LINGO2: variants seen among roughly 807,000 people sequenced by gnomAD.
The protein encoded by LINGO2 is leucine-rich repeat and immunoglobulin-like domain-containing nogo receptor-interacting protein 2.
In LINGO2, 14 loss-of-function variants were observed where a neutral mutation model predicts 30.6. The ratio of observed to expected loss-of-function variants is 0.46; its 90% CI spans 0.30 to 0.72. LINGO2 has a LOEUF of 0.72. LINGO2 is among the 30% of genes least tolerant of loss of function. The probability of loss-of-function intolerance (pLI) is 0.07; values close to 1 mark genes in which losing one functional copy is unlikely to be tolerated. For synonymous variants in LINGO2, 317 were observed against 288.5 expected (o/e 1.10, Z -1.00); for missense variants, 729 against 751.7 (o/e 0.97, Z 0.35).
At chr9:28,494,079 G>C (rs937221652) in intron 1 of LINGO2, among the ~76,000 whole-genome samples, 1 of 151,978 alleles carries the variant, frequency 6.6e-6, no homozygotes, top group African/African-American at 2.4e-5. Context: ...AATACACCTA[G>C]AATTAGGGAT....
chr9:28,297,140 G>A (rs927185380), intron 3 of LINGO2, among the ~76,000 whole-genome samples: 16 of 152,106 alleles, frequency 1.1e-4, no homozygotes, highest in Non-Finnish European at 1.2e-4. Context: ...TACTTGCTTT[G>A]GAAGCACTCA....
intron 1 of LINGO2, among the ~76,000 whole-genome samples, chr9:28,476,270 ATTAT>A (rs903276967): frequency 3.6e-4 from 54 of 151,986 alleles, no homozygotes; most frequent in Non-Finnish European, 4.3e-4. Flanking sequence ...TAATCATTAA[ATTAT>A]TTATTTATTT....
chr9:28,514,621 A>G (rs934654548), intron 1 of LINGO2, among the ~76,000 whole-genome samples: 4 of 152,226 alleles, frequency 2.6e-5, no homozygotes, highest in Admixed American at 1.3e-4. Context: ...AAGAAGCTGC[A>G]TAAGAAAAAT....
the LINGO2 span, among the ~76,000 whole-genome samples, chr9:29,167,606 G>A: frequency 6.6e-6 from 1 of 152,032 alleles, no homozygotes; most frequent in African/African-American, 2.4e-5. Context: ...CTACTATTGA[G>A]ATAAAGGAAA....
intron 5 of LINGO2, among the ~76,000 whole-genome samples, chr9:27,987,531 C>G (rs1218459797): frequency 6.6e-6 from 1 of 151,868 alleles, no homozygotes; most frequent in African/African-American, 2.4e-5. Flanking sequence ...GACAATAGCT[C>G]TAGATCACTG....
chr9:28,731,941 T>G, the LINGO2 span, among the ~76,000 whole-genome samples: 1 of 152,098 alleles, frequency 6.6e-6, no homozygotes, highest in African/African-American at 2.4e-5. Flanking sequence ...TTCTAGAACT[T>G]AGAGAAAGAT....
At chr9:28,365,532 T>C (rs1267966021) in intron 3 of LINGO2, among the ~76,000 whole-genome samples, 1 of 152,034 alleles carries the variant, frequency 6.6e-6, no homozygotes. Context: ...GGAATGAGGC[T>C]CCTGCAGGCC....
chr9:28,938,264 T>C, the LINGO2 span, among the ~76,000 whole-genome samples: 94 of 152,328 alleles, frequency 6.2e-4, no homozygotes, highest in African/African-American at 2.1e-3. Context: ...GTTACCTCTT[T>C]ATGGAGTGAT....
the LINGO2 span, among the ~76,000 whole-genome samples, chr9:28,742,482 T>C: frequency 6.6e-6 from 1 of 151,912 alleles, no homozygotes; most frequent in Non-Finnish European, 1.5e-5. Flanking sequence ...TGGTTGCGAT[T>C]GGGCTTTAAA....
chr9:29,157,809 A>T, the LINGO2 span, among the ~76,000 whole-genome samples: 1 of 152,114 alleles, frequency 6.6e-6, no homozygotes, highest in African/African-American at 2.4e-5. Flanking sequence ...CAAATTTTGA[A>T]TATGCGGTAA....
the LINGO2 span, among the ~76,000 whole-genome samples, chr9:28,818,621 G>A: frequency 1.8e-4 from 27 of 152,178 alleles, no homozygotes; most frequent in East Asian, 4.1e-3. Context: ...CCTGACCTCA[G>A]GTGATCCACC....
At chr9:29,131,345 A>C in the LINGO2 span, among the ~76,000 whole-genome samples, 1 of 152,134 alleles carries the variant, frequency 6.6e-6, no homozygotes, top group South Asian at 2.1e-4. Context: ...CCCTCCAGCA[A>C]TTAATGGATT....
the LINGO2 span, among the ~76,000 whole-genome samples, chr9:28,815,053 A>G: frequency 1.3e-5 from 2 of 152,250 alleles, no homozygotes; most frequent in Non-Finnish European, 2.9e-5. Context: ...TTGATTCCTA[A>G]TTCTCAATAG....
chr9:27,957,577 G>T (rs914064956), intron 5 of LINGO2, among the ~76,000 whole-genome samples: 1 of 152,196 alleles, frequency 6.6e-6, no homozygotes, highest in Non-Finnish European at 1.5e-5. Context: ...ACAGGCGTGA[G>T]CCACCGCACC....
chr9:28,156,174 T>G (rs571709975), intron 4 of LINGO2, among the ~76,000 whole-genome samples: 1 of 152,348 alleles, frequency 6.6e-6, no homozygotes, highest in Admixed American at 6.5e-5. Context: ...TCTCATTTCG[T>G]CTTATGTACT....
chr9:28,697,007 G>C, the LINGO2 span, among the ~76,000 whole-genome samples: 1 of 151,696 alleles, frequency 6.6e-6, no homozygotes, highest in Non-Finnish European at 1.5e-5. Context: ...TTTTTCAAGG[G>C]AATCCAAAAA....
At chr9:29,137,594 A>C in the LINGO2 span, among the ~76,000 whole-genome samples, 1 of 152,166 alleles carries the variant, frequency 6.6e-6, no homozygotes, top group African/African-American at 2.4e-5. Flanking sequence ...CCTCCTAAAC[A>C]AGTGTTGTTT....
intron 3 of LINGO2, among the ~76,000 whole-genome samples, chr9:28,299,445 C>CT (rs1169360939): frequency 7.1e-6 from 1 of 141,564 alleles, no homozygotes; most frequent in Non-Finnish European, 1.6e-5. Context: ...ATTATTGCTT[C>CT]TAATTTTTTT....
chr9:28,957,350 G>T, the LINGO2 span, among the ~76,000 whole-genome samples: 1 of 152,132 alleles, frequency 6.6e-6, no homozygotes, highest in East Asian at 1.9e-4. Context: ...ATTTCAAAAA[G>T]TACAAAGGGA....
Sources: gnomAD v4.1 joint callset for allele counts (sites outside exome capture counted in the v4.1 genomes callset) on GRCh38, gnomAD v4.1.1 for gene constraint, MANE v1.5 for transcripts, NCBI Gene and HGNC (gene_info 2026-07-23, HGNC 2026-07-21) for gene names.